Variants in KCNH6 observed in about 807,000 individuals in gnomAD.
The protein encoded by KCNH6 is potassium voltage-gated channel subfamily H member 6.
Under a neutral mutation model 83.4 loss-of-function variants are expected in KCNH6, and 81 were observed. That is an observed-to-expected ratio of 0.97 (90% CI 0.81 to 1.17). KCNH6 has a LOEUF of 1.17. Ranked by LOEUF, KCNH6 falls within the 50% of genes most tolerant of loss-of-function variation. The probability of loss-of-function intolerance (pLI) is 0.00; values close to 1 mark genes in which losing one functional copy is unlikely to be tolerated. For missense variants in KCNH6, 1,203 were observed against 1,290.5 expected (o/e 0.93, Z 1.04); for synonymous variants, 503 against 545.6 (o/e 0.92, Z 1.09).
At chr17:63,541,716 CA>C (rs1359541574) in intron 8 of KCNH6, among the ~76,000 whole-genome samples, 1 of 152,156 alleles carries the variant, frequency 6.6e-6, no homozygotes, top group Non-Finnish European at 1.5e-5. Flanking sequence ...GGGGTCTAGA[CA>C]GGGGGAGTAA....
rs573535545 is a variant in KCNH6, at chr17:63,530,563, G to T, written c.675+21G>T. 3.7e-6 allele frequency: 6 copies of T among 1,611,774 alleles called. No individual in the cohort carries two copies. The South Asian group carries it at 4.4e-5, about 12-fold the overall frequency. ...CCCAGGTGCGGGCCTGCAGAGCAGGGTGTGCAGAGCTGTGCCAGGCCTCCA... is the reference window on the plus strand; with the variant it reads ...CCCAGGTGCGGGCCTGCAGAGCAGGTTGTGCAGAGCTGTGCCAGGCCTCCA... On this transcript the variant is annotated intron_variant, in intron 4 of 12. Coordinates refer to ENST00000314672, the MANE Select transcript of KCNH6 (RefSeq NM_001278919.2).
At chr17:63,537,108 C>T (rs1199478510) in intron 6 of KCNH6, among the ~76,000 whole-genome samples, 1 of 152,114 alleles carries the variant, frequency 6.6e-6, no homozygotes, top group Non-Finnish European at 1.5e-5. Context: ...TTTACAAAAG[C>T]CCACATTTCA....
intron 12 of KCNH6, among the ~76,000 whole-genome samples, 156 bp downstream of exon 12, chr17:63,545,420 G>T (rs780279730): frequency 6.6e-6 from 1 of 152,220 alleles, no homozygotes; most frequent in Non-Finnish European, 1.5e-5. Flanking sequence ...AGTCATGATA[G>T]GGTTAGCCTG....
In KCNH6 at chr17:63,546,535, C is replaced by A; in HGVS notation, c.*633C>A. ...CTCAGAACCCTCCAGCACCTCATGGCTCAGCACCAAGGCCCGGGGTTGGTC... is the reference window on the plus strand; with the variant it reads ...CTCAGAACCCTCCAGCACCTCATGGATCAGCACCAAGGCCCGGGGTTGGTC... On this transcript the variant is annotated 3_prime_UTR_variant, in exon 13 of 13. Coordinates refer to ENST00000314672, the MANE Select transcript of KCNH6 (RefSeq NM_001278919.2). The A allele has an allele frequency of 6.6e-6, 1 of 152,572 alleles. No individual in the cohort carries two copies. Among genetic ancestry groups the A allele is most frequent in the Non-Finnish European group, 1.5e-5 (1 of 68,258 alleles). The allele number at this position is 152,572 out of a possible 1,614,324, so 9.5% of individuals were successfully genotyped here. A position where few individuals can be genotyped will look rare whatever the true frequency, so the allele number is the denominator to read the frequency against.
At chr17:63,531,256 A>G (rs531004541) in intron 4 of KCNH6, among the ~76,000 whole-genome samples, 2 of 152,360 alleles carry the variant, frequency 1.3e-5, no homozygotes, top group East Asian at 3.9e-4. Context: ...TCCAGTGACC[A>G]CAGTCCTGGC....
At chr17:63,536,649 A>AT (rs1568079125) in intron 6 of KCNH6, among the ~76,000 whole-genome samples, 1 of 141,678 alleles carries the variant, frequency 7.1e-6, no homozygotes, top group Non-Finnish European at 1.6e-5. Flanking sequence ...GTCTCAAAAA[A>AT]GAAAAAAAAA....
At chr17:63,540,619 C>T (rs1274146945) in intron 8 of KCNH6, among the ~76,000 whole-genome samples, 1 of 152,160 alleles carries the variant, frequency 6.6e-6, no homozygotes, top group East Asian at 1.9e-4. Flanking sequence ...AGATTTCAAG[C>T]TTCAGGGTTT....
intron 2 of KCNH6, among the ~76,000 whole-genome samples, chr17:63,529,581 G>A (rs922312911): frequency 6.6e-6 from 1 of 152,182 alleles, no homozygotes; most frequent in Non-Finnish European, 1.5e-5. Context: ...GCCCCCCAAG[G>A]ACCTCCTGAG....
At chr17:63,524,519 A>T (rs2031572053) in intron 2 of KCNH6, 150 bp downstream of exon 2, 2 of 642,302 alleles carry the variant, frequency 3.1e-6, no homozygotes, top group African/African-American at 1.8e-5. Flanking sequence ...CTCCACAGGC[A>T]TTGGATATGA....
Position 63,533,530 on chromosome 17 carries a change from G to A in KCNH6, c.676-356G>A, listed in dbSNP as rs2032259179. On this transcript the variant is annotated intron_variant, in intron 4 of 12. Transcript: ENST00000314672. This position sits in a 1 kb window ranked among gnomAD's most constrained non-coding sequence, Gnocchi z 4.1. Reference sequence around the variant, plus strand: ...AGCTACCCCTTCTGTGGGCTCTTGTGTGGAATGGGTCTATAGATGTCCATG... The same window carrying A: ...AGCTACCCCTTCTGTGGGCTCTTGTATGGAATGGGTCTATAGATGTCCATG... Among the ~76,000 whole-genome samples, 1 of 152,060 alleles carries A rather than the reference G, an allele frequency of 6.6e-6. No homozygotes were observed.
chr17:63,539,331 T>TC (rs971946579), intron 8 of KCNH6, among the ~76,000 whole-genome samples: 2 of 152,024 alleles, frequency 1.3e-5, no homozygotes, highest in Middle Eastern at 6.8e-3. Flanking sequence ...CGGGCAGCCC[T>TC]CCCCCTCTGC....
chr17:63,526,546 G>T (rs184497235), intron 2 of KCNH6, among the ~76,000 whole-genome samples: 199 of 152,048 alleles, frequency 1.3e-3, no homozygotes, highest in Non-Finnish European at 2.0e-3. Flanking sequence ...TTGTAGGGAT[G>T]GGGGTCTCAC....
At chr17:63,524,427 A>C (rs1015922642) in intron 2 of KCNH6, 58 bp downstream of exon 2, 1 of 1,497,014 alleles carries the variant, frequency 6.7e-7, no homozygotes, top group African/African-American at 1.4e-5. Flanking sequence ...TGTCTTGTCC[A>C]GCCAGGGTGG....
intron 2 of KCNH6, among the ~76,000 whole-genome samples, chr17:63,525,417 T>C (rs2031643596): frequency 6.6e-6 from 1 of 152,146 alleles, no homozygotes; most frequent in Non-Finnish European, 1.5e-5. Flanking sequence ...CAGGCAGGAT[T>C]TCTGGGGAAG....
Position 63,545,952 on chromosome 17 carries a change from G to A in KCNH6, c.*50G>A. 1.3e-6 allele frequency: 2 copies of A among 1,575,976 alleles called. No homozygotes were observed. ...GGGACTGAAGGTGGGCAAGGTGAGAGTTAAGGATCTTGGGGAGGTGGCCGG... is the reference window on the plus strand; with the variant it reads ...GGGACTGAAGGTGGGCAAGGTGAGAATTAAGGATCTTGGGGAGGTGGCCGG... On this transcript the variant is annotated 3_prime_UTR_variant, in exon 13 of 13. Transcript: ENST00000314672.
intron 2 of KCNH6, among the ~76,000 whole-genome samples, chr17:63,528,204 T>C (rs2031843548): frequency 6.6e-6 from 1 of 152,226 alleles, no homozygotes; most frequent in South Asian, 2.1e-4. Context: ...GGAGGCTCCC[T>C]GTCTAGGTCC....
chr17:63,545,242 A>G lies in KCNH6; in HGVS notation c.2561A>G (p.Gln854Arg), dbSNP rs759982749. The G allele has an allele frequency of 2.5e-6, 4 of 1,613,512 alleles. No homozygotes were observed. Among genetic ancestry groups the G allele is most frequent in the Non-Finnish European group, 3.4e-6 (4 of 1,180,016 alleles). Residue 854 changes from glutamine to arginine, a missense_variant, in exon 12 of 13, where the codon CAG (glutamine) becomes CGG (arginine). Transcript: ENST00000314672. ...ACGAGTCCAGGGCCCAGGCTGCCCCAGGGCTTTCTGCCTCCTGCACAGGTA... is the reference window on the plus strand; with the variant it reads ...ACGAGTCCAGGGCCCAGGCTGCCCCGGGGCTTTCTGCCTCCTGCACAGGTA... ...ETTSPGPRLP[Q>R]GFLPPAQTPS...
chr17:63,526,223 C>T (rs1028495039), intron 2 of KCNH6, among the ~76,000 whole-genome samples: 1 of 152,166 alleles, frequency 6.6e-6, no homozygotes, highest in Non-Finnish European at 1.5e-5. Context: ...ATCCCACCCT[C>T]GGCCCTTCCC....
Position 63,533,898 on chromosome 17 carries a change from G to T in KCNH6, c.688G>T (p.Gly230Cys). ...TEKVTQVLSLGADVLPEYKLQ... is the reference protein window; with the variant it reads ...TEKVTQVLSLCADVLPEYKLQ... ...CCCCCACCCCCAGGTCCTGTCCCTG[G>T]GCGCGGATGTGCTGCCGGAGTACAA... The change falls in exon 5 of 13, where the codon GGC (glycine) becomes TGC (cysteine). Residue 230 changes from glycine (G) to cysteine (C), a missense_variant. By Grantham distance (159) the Gly-to-Cys change is radical. Coordinates refer to ENST00000314672, the MANE Select transcript of KCNH6 (RefSeq NM_001278919.2). The surrounding 1 kb of genome is among the most constrained non-coding windows in gnomAD (Gnocchi z 4.1). 1.2e-6 allele frequency: 2 copies of T among 1,612,852 alleles called. No homozygotes were observed. The highest frequency in any genetic ancestry group is 2.2e-5 in the South Asian group (2 of 91,042).
Sources: gnomAD v4.1 joint callset for allele counts (sites outside exome capture counted in the v4.1 genomes callset) on GRCh38, gnomAD v4.1.1 for gene constraint, Gnocchi (gnomAD v3.1) non-coding constraint, MANE v1.5 for transcripts, NCBI Gene and HGNC (gene_info 2026-07-23, HGNC 2026-07-21) for gene names.